The following INPP5B variants were observed in gnomAD, a reference collection of about 807,000 sequenced individuals.
INPP5B encodes type II inositol 1,4,5-trisphosphate 5-phosphatase.
INPP5B carries 90 observed loss-of-function variants against 118.5 expected under a neutral mutation model. That is an observed-to-expected ratio of 0.76 (90% confidence interval 0.64 to 0.90). The LOEUF is 0.90. Among genes scored for constraint, INPP5B ranks in the 40% least tolerant of loss-of-function variants. INPP5B has a pLI of 0.00. For synonymous variants in INPP5B, 385 were observed against 418.9 expected, an observed-to-expected ratio of 0.92 and a Z score of 0.99; for missense variants, 984 against 1,125.6, an observed-to-expected ratio of 0.87 and a Z score of 1.80.
At chr1:37,900,073 ATTTTTTT>A (rs34018622) in intron 7 of INPP5B, among the ~76,000 whole-genome samples, 1 of 114,636 alleles carries the variant, frequency 8.7e-6, no homozygotes, top group African/African-American at 3.6e-5. Flanking sequence ...TTTACCTTGA[ATTTTTTT>A]TTTTTTTTTT....
chr1:37,943,945 C>G lies in INPP5B; in HGVS notation c.153-52G>C, dbSNP rs755732869. ...TGGGGGCCCGCTGGCTGTCCCTCAG[C>G]CCTATCTTGGAGGTCTCGGGGTGCT... On this transcript the variant is annotated intron_variant, in intron 3 of 23. Transcript: ENST00000373024. The G allele has an allele frequency of 8.0e-6, 11 of 1,372,808 alleles. No individual in the cohort carries two copies. The South Asian group carries it at 1.3e-4, about 16-fold the overall frequency. The allele number at this position is 1,372,808 out of a possible 1,614,324, so 85.0% of individuals were successfully genotyped here. A position where few individuals can be genotyped will look rare whatever the true frequency, so the allele number is the denominator to read the frequency against.
chr1:37,931,309 C>T (rs947794892), intron 7 of INPP5B: 1 of 732,288 alleles, frequency 1.4e-6, no homozygotes, highest in Admixed American at 3.3e-5. Context: ...CACTCCCCCA[C>T]CCGCCCCACG....
intron 20 of INPP5B, among the ~76,000 whole-genome samples, chr1:37,868,018 G>C (rs1182391142): frequency 6.6e-6 from 1 of 152,128 alleles, no homozygotes; most frequent in Non-Finnish European, 1.5e-5. Context: ...GCTTCCCTTG[G>C]GGGTAATCAG....
chr1:37,937,247 G>A (rs570509736), intron 6 of INPP5B, among the ~76,000 whole-genome samples: 45 of 152,092 alleles, frequency 3.0e-4, no homozygotes, highest in African/African-American at 9.6e-4. Context: ...AGAGGCGGAG[G>A]TTGCAGTGAG....
At chr1:37,906,907 G>C (rs1203985205) in intron 7 of INPP5B, among the ~76,000 whole-genome samples, 2 of 151,740 alleles carry the variant, frequency 1.3e-5, no homozygotes, top group Non-Finnish European at 2.9e-5. Flanking sequence ...TGGTTATTAG[G>C]TTCTAGTCTC....
At chr1:37,863,243 C>T (rs1490035904) in intron 23 of INPP5B, among the ~76,000 whole-genome samples, 4 of 148,836 alleles carry the variant, frequency 2.7e-5, no homozygotes, top group African/African-American at 7.5e-5. Context: ...AGGCAGGGTG[C>T]GGTGGCTCAG....
chr1:37,880,362 C>T lies in INPP5B; in HGVS notation c.1432-168G>A, dbSNP rs570008860. Among the ~76,000 whole-genome samples the T allele has an allele frequency of 1.1e-4, 16 of 152,288 alleles. 1 individual carries two copies. Among genetic ancestry groups the T allele is most frequent in the African/African-American group, 1.7e-4 (7 of 41,558 alleles). On this transcript the variant is annotated intron_variant, in intron 14 of 23. Transcript: ENST00000373024. Reference sequence around the variant, plus strand: ...AGTTAGCTAACTCCTAGGAAGTGGACAAGCTGACCACTCTTTTGCCTGTAT... The same window carrying T: ...AGTTAGCTAACTCCTAGGAAGTGGATAAGCTGACCACTCTTTTGCCTGTAT...
chr1:37,863,817 T>A (rs1194095795), intron 23 of INPP5B, among the ~76,000 whole-genome samples: 1 of 139,054 alleles, frequency 7.2e-6, no homozygotes, highest in African/African-American at 2.7e-5. Context: ...ATGACTATAC[T>A]TTTTTTTTTT....
At chr1:37,936,353 G>GT (rs142147032) in intron 6 of INPP5B, among the ~76,000 whole-genome samples, 2,238 of 152,222 alleles carry the variant, frequency 0.015, 41 homozygotes, top group African/African-American at 0.04. Context: ...GAGCGCGGTG[G>GT]TTCACGCCTG....
intron 23 of INPP5B, among the ~76,000 whole-genome samples, chr1:37,863,088 G>A (rs1041750833): frequency 1.3e-5 from 2 of 152,136 alleles, no homozygotes; most frequent in African/African-American, 4.8e-5. Flanking sequence ...GTTGAGGCAC[G>A]GGCGTTGGAG....
In INPP5B at chr1:37,891,372, T is replaced by C. The variant is rs1643835975; in HGVS notation, c.615A>G (p.Glu205=). 3.7e-6 allele frequency: 6 copies of C among 1,613,622 alleles called. No individual in the cohort carries two copies. Among genetic ancestry groups the C allele is most frequent in the Non-Finnish European group, 5.1e-6 (6 of 1,179,696 alleles). The part of the protein sequence containing the change: ...DQSSRGQDKP[E]SLQPRQNKSK... ...AGTTGCATTACCTTGGTTGCAAGCT[T>C]TCTGGTTTATCTTGACCCCTGGAGC... Residue 205 remains glutamate, a synonymous_variant, in exon 8 of 24, where the codon GAA becomes GAG. Coordinates refer to ENST00000373024, the MANE Select transcript of INPP5B (RefSeq NM_005540.3).
intron 7 of INPP5B, among the ~76,000 whole-genome samples, chr1:37,923,052 A>G (rs1400888343): frequency 6.6e-6 from 1 of 152,168 alleles, no homozygotes; most frequent in Non-Finnish European, 1.5e-5. Flanking sequence ...GGCAACACAG[A>G]GATGCAGAGC....
At chr1:37,865,991 C>T (rs1372691844) in intron 21 of INPP5B, 103 bp from the exon 22 acceptor site, 2 of 1,539,538 alleles carry the variant, frequency 1.3e-6, no homozygotes, top group East Asian at 4.8e-5. Context: ...CTGTCAGGCT[C>T]TCTGCTCAGG....
At chr1:37,869,198 G>A (rs1183176458) in intron 19 of INPP5B, among the ~76,000 whole-genome samples, 1 of 151,968 alleles carries the variant, frequency 6.6e-6, no homozygotes, top group Non-Finnish European at 1.5e-5. Context: ...TCACCATGTT[G>A]CCCAGGCTGG....
chr1:37,905,662 T>C (rs1348615343), intron 7 of INPP5B, among the ~76,000 whole-genome samples: 1 of 152,222 alleles, frequency 6.6e-6, no homozygotes, highest in Admixed American at 6.5e-5. Flanking sequence ...TAATCAGCTA[T>C]AGGAATTTGA....
chr1:37,933,531 G>C (rs1048714838), intron 6 of INPP5B, among the ~76,000 whole-genome samples: 33 of 152,040 alleles, frequency 2.2e-4, no homozygotes, highest in African/African-American at 8.0e-4. Flanking sequence ...CTGGGTGAAA[G>C]AGTGAGACTC....
intron 8 of INPP5B, among the ~76,000 whole-genome samples, chr1:37,889,944 T>A: frequency 6.6e-6 from 1 of 152,212 alleles, no homozygotes; most frequent in Middle Eastern, 3.2e-3. Flanking sequence ...ATTTTCCTAA[T>A]AATAGAGTCA....
chr1:37,896,204 C>A (rs1644050479), intron 7 of INPP5B, among the ~76,000 whole-genome samples: 1 of 151,302 alleles, frequency 6.6e-6, no homozygotes, highest in African/African-American at 2.4e-5. Flanking sequence ...GCCCGGCCGC[C>A]CCGTCTGAGA....
chr1:37,939,218 G>T (rs1192074611), intron 6 of INPP5B, among the ~76,000 whole-genome samples: 1 of 132,322 alleles, frequency 7.6e-6, no homozygotes, highest in East Asian at 2.2e-4. Flanking sequence ...AAAAAAATCA[G>T]CTAGGCATGG....
Sources: allele counts gnomAD v4.1 joint callset (sites outside exome capture counted in the v4.1 genomes callset), GRCh38; gene constraint gnomAD v4.1.1; transcripts MANE v1.5; gene names NCBI Gene and HGNC (gene_info 2026-07-23, HGNC 2026-07-21).